The following RAP1B variants were observed in gnomAD, a reference collection of about 807,000 sequenced individuals.
RAP1B encodes RAP1B, member of RAS oncogene family.
Under a neutral mutation model 27.5 loss-of-function variants are expected in RAP1B, and 1 was observed. That is an observed-to-expected ratio of 0.04 (90% confidence interval 0.01 to 0.17). RAP1B has a LOEUF of 0.17. Ranked by LOEUF, RAP1B falls within the 10% of genes least tolerant of loss-of-function variation. The pLI, the probability that RAP1B is intolerant of heterozygous loss-of-function variation, is 1.00. For missense variants in RAP1B, 84 were observed against 214.8 expected (o/e 0.39, Z 3.81); for synonymous variants, 75 against 73.1 (o/e 1.03, Z -0.13).
rs1364113017 is a variant in RAP1B at position 68,662,459 on chromosome 12, T to C, written c.*3210T>C. ...ATATGTGGGCATTACAAATAGAAAT[T>C]TTTAAAATTCCATTTATAAAATGAA... On this transcript the variant is annotated 3_prime_UTR_variant, in exon 8 of 8. Transcript: ENST00000250559. 2.0e-5 allele frequency: 3 copies of C among 152,100 alleles called. No individual in the cohort carries two copies. Among genetic ancestry groups the C allele is most frequent in the African/African-American group, 4.8e-5 (2 of 41,442 alleles). 9.4% of individuals were successfully genotyped at this position (152,100 alleles called of 1,614,324 possible).
intron 1 of RAP1B, chr12:68,642,809 G>A: frequency 9.8e-7 from 1 of 1,023,152 alleles, no homozygotes; most frequent in Non-Finnish European, 1.6e-6. Flanking sequence ...ACCGGCCTTG[G>A]CCACGTTGGC....
At chr12:68,658,188 G>C (rs1207977654) in intron 7 of RAP1B, among the ~76,000 whole-genome samples, 1 of 152,162 alleles carries the variant, frequency 6.6e-6, no homozygotes, top group Non-Finnish European at 1.5e-5. Context: ...AATTGACTCA[G>C]TGCTGCCATA....
At chr12:68,619,382 CTG>C (rs1420251248) in intron 1 of RAP1B, among the ~76,000 whole-genome samples, 2 of 152,148 alleles carry the variant, frequency 1.3e-5, no homozygotes, top group Admixed American at 6.5e-5. Context: ...ATAATGAAAT[CTG>C]TCATTATTTG....
chr12:68,651,797 T>C (rs1873833526), intron 3 of RAP1B, 198 bp from the exon 4 acceptor site: 1 of 520,394 alleles, frequency 1.9e-6, no homozygotes, highest in East Asian at 2.9e-5. Flanking sequence ...CTTTTGAACT[T>C]GATTACAATT....
At position 68,665,137 on chromosome 12, in the gene RAP1B, C is replaced by T. The variant is rs984239003; in HGVS notation, c.*5888C>T. ...AGACCCTGTCACTTGACAAAAGTAT[C>T]TTTCCCTACTGGAAATGGAATAGAA... On this transcript the variant is annotated 3_prime_UTR_variant, in exon 8 of 8. Coordinates refer to ENST00000250559, the MANE Select transcript of RAP1B (RefSeq NM_001010942.3). 1 of 152,242 alleles carries T rather than the reference C, an allele frequency of 6.6e-6. No individual in the cohort carries two copies. Among genetic ancestry groups the T allele is most frequent in the Non-Finnish European group, 1.5e-5 (1 of 68,084 alleles). 9.4% of individuals were successfully genotyped at this position (152,242 alleles called of 1,614,324 possible).
intron 3 of RAP1B, chr12:68,650,950 A>G (rs1339424084): frequency 2.0e-5 from 3 of 152,396 alleles, no homozygotes; most frequent in Non-Finnish European, 2.9e-5. Flanking sequence ...GAATATTTGT[A>G]TATACATAAT....
intron 1 of RAP1B, among the ~76,000 whole-genome samples, chr12:68,622,791 G>A (rs1463708133): frequency 6.6e-6 from 1 of 152,150 alleles, no homozygotes; most frequent in Non-Finnish European, 1.5e-5. Flanking sequence ...AATTATTTTA[G>A]TTAGAAAAAT....
chr12:68,612,096 A>G (rs539878232), intron 1 of RAP1B, among the ~76,000 whole-genome samples: 4 of 152,152 alleles, frequency 2.6e-5, no homozygotes, highest in East Asian at 1.9e-4. Context: ...GGGAAATCAC[A>G]TTTTTACGGG....
At chr12:68,646,100 AGC>A (rs1873387859) in intron 1 of RAP1B, among the ~76,000 whole-genome samples, 1 of 152,214 alleles carries the variant, frequency 6.6e-6, no homozygotes, top group Non-Finnish European at 1.5e-5. Context: ...TAAGAAGTGT[AGC>A]TCCCACAGCC....
intron 1 of RAP1B, among the ~76,000 whole-genome samples, chr12:68,639,631 G>T (rs756598551): frequency 2.2e-4 from 34 of 152,248 alleles, no homozygotes; most frequent in African/African-American, 6.7e-4. Context: ...CTGAGGAAAA[G>T]AGGTACATAT....
intron 6 of RAP1B, 93 bp from the exon 7 acceptor site, chr12:68,657,008 A>G: frequency 9.7e-7 from 1 of 1,030,914 alleles, no homozygotes; most frequent in East Asian, 2.4e-5. Context: ...ATTAATTTAT[A>G]TCCATGGAAA....
intron 1 of RAP1B, among the ~76,000 whole-genome samples, chr12:68,625,968 G>A (rs1871742960): frequency 6.6e-6 from 1 of 151,826 alleles, no homozygotes; most frequent in South Asian, 2.1e-4. Context: ...GTCATATTAA[G>A]CTTGTCACCT....
At chr12:68,647,817 T>C (rs1873536182) in intron 1 of RAP1B, among the ~76,000 whole-genome samples, 4 of 152,194 alleles carry the variant, frequency 2.6e-5, no homozygotes, top group Admixed American at 2.6e-4. Flanking sequence ...TTGGTTAGTT[T>C]GTAGAAGCAT....
chr12:68,615,527 T>C (rs1426192254), intron 1 of RAP1B, among the ~76,000 whole-genome samples: 1 of 151,676 alleles, frequency 6.6e-6, no homozygotes, highest in Non-Finnish European at 1.5e-5. Context: ...AGGCGGAGGT[T>C]GCAGTGAGCC....
intron 1 of RAP1B, among the ~76,000 whole-genome samples, chr12:68,631,097 C>T (rs1436972290): frequency 1.3e-5 from 2 of 151,906 alleles, no homozygotes; most frequent in Admixed American, 1.3e-4. Context: ...CTTCAATGTG[C>T]CTTAGATATT....
intron 1 of RAP1B, among the ~76,000 whole-genome samples, chr12:68,645,627 T>G (rs2135954745): frequency 6.6e-6 from 1 of 152,332 alleles, no homozygotes; most frequent in East Asian, 1.9e-4. Flanking sequence ...CACAAGCCAA[T>G]TATGTTGCTT....
chr12:68,631,090 C>G (rs1204272109), intron 1 of RAP1B, among the ~76,000 whole-genome samples: 3 of 152,078 alleles, frequency 2.0e-5, no homozygotes, highest in Non-Finnish European at 4.4e-5. Context: ...AATGTAACTT[C>G]AATGTGCCTT....
chr12:68,657,024 GT>G, intron 6 of RAP1B, 76 bp from the exon 7 acceptor site: 1 of 1,233,888 alleles, frequency 8.1e-7, no homozygotes, highest in Non-Finnish European at 1.2e-6. Context: ...GGAAATTTCT[GT>G]TTTTTCAATT....
intron 1 of RAP1B, among the ~76,000 whole-genome samples, chr12:68,623,760 C>T (rs1871546885): frequency 6.6e-6 from 1 of 152,206 alleles, no homozygotes; most frequent in Non-Finnish European, 1.5e-5. Flanking sequence ...TAGTGGCTCA[C>T]GCCTGTAATC....
Sources: allele counts gnomAD v4.1 joint callset (sites outside exome capture counted in the v4.1 genomes callset), GRCh38; gene constraint gnomAD v4.1.1; transcripts MANE v1.5; gene names NCBI Gene and HGNC (gene_info 2026-07-23, HGNC 2026-07-21).